DNAJB1: variants seen among roughly 807,000 people sequenced by gnomAD.
The protein encoded by DNAJB1 is dnaJ homolog subfamily B member 1.
A neutral mutation model predicts 24.0 loss-of-function variants in DNAJB1; 14 were observed. That is an observed-to-expected ratio of 0.58 (90% CI 0.39 to 0.91). DNAJB1 has a LOEUF of 0.91. DNAJB1 is among the 40% of genes least tolerant of loss of function. The pLI is 0.00. For missense variants in DNAJB1, 517 were observed against 458.1 expected (o/e 1.13, Z -1.17); for synonymous variants, 262 against 174.4 (o/e 1.50, Z -3.96).
chr19:14,524,625 C>T (rs2072398018), intron 2 of DNAJB1, among the ~76,000 whole-genome samples: 1 of 151,074 alleles, frequency 6.6e-6, no homozygotes. Flanking sequence ...GCAGGTGGAT[C>T]CCTTGAAGTC....
At chr19:14,555,185 C>A (rs12974147), upstream of DNAJB1, among the ~76,000 whole-genome samples, 3 of 151,636 alleles carry the variant, frequency 2.0e-5, no homozygotes, top group African/African-American at 7.3e-5. Context: ...CTTAAGCGAT[C>A]CTTCTGTCAC....
chr19:14,540,039 C>T (rs141941007), intron 1 of DNAJB1, among the ~76,000 whole-genome samples: 7 of 150,928 alleles, frequency 4.6e-5, no homozygotes, highest in African/African-American at 1.7e-4. Flanking sequence ...GCCACCATGC[C>T]TGGCTAATTT....
intron 2 of DNAJB1, among the ~76,000 whole-genome samples, chr19:14,526,112 T>TC (rs558953003): frequency 1.3e-5 from 2 of 152,146 alleles, no homozygotes; most frequent in Non-Finnish European, 2.9e-5. Context: ...GGTCTCGGGT[T>TC]CCCCCCAAAC....
upstream of DNAJB1, among the ~76,000 whole-genome samples, chr19:14,553,441 C>G (rs2073609049): frequency 6.6e-6 from 1 of 152,130 alleles, no homozygotes; most frequent in Non-Finnish European, 1.5e-5. Flanking sequence ...CACTGTGGCG[C>G]CTCGGGGAGG....
At chr19:14,534,130 CT>C (rs574085204), upstream of DNAJB1, 1,791 of 143,974 alleles carry the variant, frequency 0.012, 10 homozygotes, top group South Asian at 0.051. Context: ...TGTTTTCTTT[CT>C]TTTTTTTTTT....
upstream of DNAJB1, chr19:14,534,108 C>A (rs2072772625): frequency 6.6e-6 from 1 of 151,994 alleles, no homozygotes; most frequent in Admixed American, 6.6e-5. Context: ...CCCCCATAAC[C>A]CACATTTAGG....
exon 1 of DNAJB1, among the ~76,000 whole-genome samples, chr19:14,560,049 G>A (rs1041737532): frequency 3.3e-5 from 5 of 152,148 alleles, no homozygotes; most frequent in African/African-American, 4.8e-5. Context: ...AGGTTTGGGC[G>A]TCTCCTCTCC....
In DNAJB1 at chr19:14,518,150, T is replaced by G; in HGVS notation, c.200A>C (p.Tyr67Ser). Residue 67 changes from tyrosine to serine, a missense_variant, in exon 1 of 3, where the codon TAC (tyrosine) becomes TCC (serine). Physicochemically the swap from Tyr to Ser is moderately radical, Grantham distance 144 (BLOSUM62 -2). Coordinates refer to ENST00000254322, the MANE Select transcript of DNAJB1 (RefSeq NM_006145.3). The stretch of plus-strand genomic sequence containing the variant: ...CCGCGAGCACACACCTTCCTCCCCG[T>G]AGCGGTCGAAGATCTCGCGCTTGCG... ...DPRKREIFDR[Y>S]GEEGLKGSGP... 6.4e-7 allele frequency: 1 copy of G among 1,573,136 alleles called. No homozygotes were observed. The highest frequency in any genetic ancestry group is 1.1e-5 in the South Asian group (1 of 87,066).
At chr19:14,549,006 G>A (rs2073397091) in intron 1 of DNAJB1, among the ~76,000 whole-genome samples, 1 of 137,492 alleles carries the variant, frequency 7.3e-6, no homozygotes. Flanking sequence ...TCATGAAATA[G>A]GTTTCTTTGA....
exon 1 of DNAJB1, chr19:14,529,308 T>A (rs901276383): frequency 1.2e-5 from 5 of 400,648 alleles, no homozygotes; most frequent in African/African-American, 1.0e-4. Context: ...AACCGTCGCT[T>A]ACCTTGGTTT....
rs117304157 is a variant in DNAJB1 at position 14,516,281 on chromosome 19, T to G, written c.793-111A>C. 3.2e-5 allele frequency: 43 copies of G among 1,345,892 alleles called. No individual in the cohort carries two copies. In the South Asian group the frequency reaches 5.3e-4, roughly 17 times the overall value. The allele number at this position is 1,345,892 out of a possible 1,614,324, so 83.4% of individuals were successfully genotyped here. A position where few individuals can be genotyped will look rare whatever the true frequency, so the allele number is the denominator to read the frequency against. On this transcript the variant is annotated intron_variant, in intron 2 of 2. Transcript: ENST00000254322. The stretch of plus-strand genomic sequence containing the variant: ...CCATCAGGCCTCTGCAGCTAAGACC[T>G]GGCCCCCAAATCTACACGTCCCCAC...
At chr19:14,539,140 ATTTTTT>A (rs57801378) in intron 1 of DNAJB1, among the ~76,000 whole-genome samples, 19 of 92,532 alleles carry the variant, frequency 2.1e-4, no homozygotes, top group East Asian at 5.9e-4. Context: ...CGCCCGGCTA[ATTTTTT>A]TTTTTTTTTT....
intron 1 of DNAJB1, among the ~76,000 whole-genome samples, chr19:14,542,589 T>C (rs2073142723): frequency 6.8e-6 from 1 of 146,438 alleles, no homozygotes; most frequent in Non-Finnish European, 1.5e-5. Context: ...CTCGAACTCC[T>C]GACCTCAGGT....
chr19:14,529,638 C>T (rs771674833), upstream of DNAJB1: 5 of 1,613,296 alleles, frequency 3.1e-6, no homozygotes, highest in Non-Finnish European at 3.4e-6. Flanking sequence ...GGAGCCTGTG[C>T]TGTGCCGCGC....
At chr19:14,522,796 G>T (rs1196143033), upstream of DNAJB1, among the ~76,000 whole-genome samples, 1 of 152,042 alleles carries the variant, frequency 6.6e-6, no homozygotes, top group African/African-American at 2.4e-5. Flanking sequence ...ATGCAAGTGA[G>T]TCTGAGGACA....
Position 14,516,794 on chromosome 19 carries a change from G to A in DNAJB1, c.464C>T (p.Pro155Leu). 5 of 1,613,874 alleles carry A rather than the reference G, an allele frequency of 3.1e-6. No individual in the cohort carries two copies. Among genetic ancestry groups the A allele is most frequent in the Non-Finnish European group, 3.4e-6 (4 of 1,179,998 alleles). Reference protein sequence around the residue: ...NFGRSRSAQEPARKKQDPPVT... With the variant: ...NFGRSRSAQELARKKQDPPVT... ...TGGGGGATCTTGCTTCTTTCGGGCGGGCTCTTGGGCAGAGCGGGAGCGGCC... is the reference window on the plus strand; with the variant it reads ...TGGGGGATCTTGCTTCTTTCGGGCGAGCTCTTGGGCAGAGCGGGAGCGGCC... Residue 155 changes from proline to leucine, a missense_variant, in exon 2 of 3, where the codon CCC becomes CTC. Pro to Leu is a moderately conservative substitution (Grantham distance 98). Coordinates refer to ENST00000254322, the MANE Select transcript of DNAJB1 (RefSeq NM_006145.3).
intron 1 of DNAJB1, among the ~76,000 whole-genome samples, chr19:14,549,855 AT>A (rs1348767216): frequency 6.6e-6 from 1 of 151,900 alleles, no homozygotes; most frequent in Non-Finnish European, 1.5e-5. Flanking sequence ...AGGCAGGAGA[AT>A]CACTGGAACT....
Position 14,516,701 on chromosome 19 carries a change from G to A in DNAJB1, c.557C>T (p.Ser186Phe), listed in dbSNP as rs751998524. The A allele has an allele frequency of 1.1e-5, 17 of 1,614,050 alleles. No homozygotes were observed. The highest frequency in any genetic ancestry group is 1.4e-5 in the Non-Finnish European group (16 of 1,180,040). The change falls in exon 2 of 3, where the codon TCC becomes TTC. Residue 186 changes from serine (S) to phenylalanine (F), a missense_variant. By Grantham distance (155) the Ser-to-Phe change is radical. Transcript: ENST00000254322. Reference sequence around the variant, plus strand: ...TCCGTCGGGGTTTAGCCGCTTGTGGGAGATTTTCATCTTCTTGGTACAGCC... The same window carrying A: ...TCCGTCGGGGTTTAGCCGCTTGTGGAAGATTTTCATCTTCTTGGTACAGCC... ...YSGCTKKMKI[S>F]HKRLNPDGKS...
In DNAJB1 at chr19:14,516,460, C is replaced by G; in HGVS notation, c.792+6G>C. 5 of 1,609,424 alleles carry G rather than the reference C, an allele frequency of 3.1e-6. No individual in the cohort carries two copies. The highest frequency in any genetic ancestry group is 4.2e-6 in the Non-Finnish European group (5 of 1,176,494). Reference sequence around the variant, plus strand: ...TCTACAGACACCGCCCCACCTGGCACCTTACCTCCCGGAGGCTGATCCTGG... The same window carrying G: ...TCTACAGACACCGCCCCACCTGGCAGCTTACCTCCCGGAGGCTGATCCTGG... On this transcript the variant is annotated splice_donor_region_variant and intron_variant, in intron 2 of 2. Transcript: ENST00000254322.
Sources: gnomAD v4.1 joint callset for allele counts (sites outside exome capture counted in the v4.1 genomes callset) on GRCh38, gnomAD v4.1.1 for gene constraint, MANE v1.5 for transcripts, NCBI Gene and HGNC (gene_info 2026-07-23, HGNC 2026-07-21) for gene names.